ASAP1: variants seen among roughly 807,000 people sequenced by gnomAD.
The protein encoded by ASAP1 is ArfGAP with SH3 domain, ankyrin repeat and PH domain 1.
In ASAP1, 43 loss-of-function variants were observed where a neutral mutation model predicts 145.2. The ratio of observed to expected loss-of-function variants is 0.30; its 90% CI spans 0.23 to 0.38. ASAP1 has a LOEUF of 0.38. Ranked by LOEUF, ASAP1 falls within the 10% of genes least tolerant of loss-of-function variation. The pLI, the probability that ASAP1 is intolerant of heterozygous loss-of-function variation, is 1.00. For synonymous variants in ASAP1, 546 were observed against 515.5 expected (o/e 1.06, Z -0.80); for missense variants, 1,018 against 1,355.3 (o/e 0.75, Z 3.91).
intron 2 of ASAP1, chr8:130,361,281 G>A (rs375771361): frequency 5.5e-5 from 12 of 217,996 alleles, no homozygotes; most frequent in East Asian, 4.3e-4. Context: ...AGTAACTGAT[G>A]CTGTCATCTT....
In ASAP1 at chr8:130,054,372, G is replaced by C. The variant is rs1229307781; in HGVS notation, c.*359C>G. On this transcript the variant is annotated 3_prime_UTR_variant, in exon 30 of 30. Transcript: ENST00000518721. ...TGAGAATACTGCATTGTTAGGAACA[G>C]AGTCAATTCTATGCCTTTCAACGGT... 1 of 219,456 alleles carries C rather than the reference G, an allele frequency of 4.6e-6. No individual in the cohort carries two copies. The highest frequency in any genetic ancestry group is 2.2e-5 in the African/African-American group (1 of 44,904). 13.6% of individuals were successfully genotyped at this position (219,456 alleles called of 1,614,324 possible). A position where few individuals can be genotyped will look rare whatever the true frequency, so the allele number is the denominator to read the frequency against.
At chr8:130,103,181 T>C (rs2097531634) in intron 24 of ASAP1, among the ~76,000 whole-genome samples, 1 of 152,154 alleles carries the variant, frequency 6.6e-6, no homozygotes, top group Non-Finnish European at 1.5e-5. Flanking sequence ...TTCCTCTAGG[T>C]TTCCTAATTT....
chr8:130,064,032 G>A (rs554774285), intron 27 of ASAP1, among the ~76,000 whole-genome samples: 1 of 152,294 alleles, frequency 6.6e-6, no homozygotes, highest in South Asian at 2.1e-4. Flanking sequence ...GATATGGCAA[G>A]AGTGCGTCAA....
chr8:130,322,209 C>G (rs1824050583), intron 3 of ASAP1, among the ~76,000 whole-genome samples: 1 of 151,404 alleles, frequency 6.6e-6, no homozygotes. Context: ...TGTAGGTATG[C>G]AGTGAAAAAT....
intron 3 of ASAP1, among the ~76,000 whole-genome samples, chr8:130,341,382 G>A (rs1188436624): frequency 6.6e-6 from 1 of 152,170 alleles, no homozygotes; most frequent in Non-Finnish European, 1.5e-5. Flanking sequence ...TCTTGGGTAA[G>A]AACTGCAAGC....
At chr8:130,156,960 C>A (rs1032890266) in intron 12 of ASAP1, among the ~76,000 whole-genome samples, 1 of 152,128 alleles carries the variant, frequency 6.6e-6, no homozygotes, top group African/African-American at 2.4e-5. Flanking sequence ...ATTGTGATTT[C>A]GGGAGAGTAG....
chr8:130,114,048 C>T (rs563265803), intron 23 of ASAP1, among the ~76,000 whole-genome samples: 77 of 152,298 alleles, frequency 5.1e-4, no homozygotes, highest in African/African-American at 1.8e-3. Flanking sequence ...TCCCAAAGTG[C>T]TGGGATTACA....
intron 2 of ASAP1, among the ~76,000 whole-genome samples, chr8:130,386,006 G>C (rs1212715690): frequency 6.6e-6 from 1 of 152,190 alleles, no homozygotes. Context: ...CTGGTACAGG[G>C]CTGACCACGT....
chr8:130,183,106 A>G (rs116295620), intron 7 of ASAP1, among the ~76,000 whole-genome samples: 197 of 152,262 alleles, frequency 1.3e-3, no homozygotes, highest in African/African-American at 4.5e-3. Context: ...TTGTAAACAG[A>G]AAGATTGCAA....
intron 5 of ASAP1, among the ~76,000 whole-genome samples, chr8:130,199,170 T>C (rs78255946): frequency 0.026 from 4,020 of 152,308 alleles, 64 homozygotes; most frequent in Middle Eastern, 0.044. Flanking sequence ...TTTACAATTA[T>C]CCGTGTGTTC....
At chr8:130,310,594 AC>A (rs1283978702) in intron 3 of ASAP1, among the ~76,000 whole-genome samples, 3 of 152,184 alleles carry the variant, frequency 2.0e-5, no homozygotes, top group African/African-American at 7.2e-5. Flanking sequence ...TAACTAAACC[AC>A]AAAGTCCTGC....
At chr8:130,208,433 G>A (rs956192100) in intron 5 of ASAP1, among the ~76,000 whole-genome samples, 2 of 152,056 alleles carry the variant, frequency 1.3e-5, no homozygotes, top group South Asian at 2.1e-4. Flanking sequence ...TTTCCTAACC[G>A]CTGGTAACTA....
At chr8:130,057,242 C>A (rs965016389) in intron 29 of ASAP1, among the ~76,000 whole-genome samples, 1 of 152,158 alleles carries the variant, frequency 6.6e-6, no homozygotes, top group African/African-American at 2.4e-5. Context: ...GTGAGCAAAG[C>A]ACATAGGCTC....
chr8:130,155,543 A>C (rs917789853), intron 12 of ASAP1, among the ~76,000 whole-genome samples: 2 of 152,100 alleles, frequency 1.3e-5, no homozygotes, highest in African/African-American at 4.8e-5. Context: ...ATTTTTGTAG[A>C]GATAGGGTTT....
At position 130,054,573 on chromosome 8, in the gene ASAP1, C is replaced by G; in HGVS notation, c.*158G>C. On this transcript the variant is annotated 3_prime_UTR_variant, in exon 30 of 30. Transcript: ENST00000518721. Reference sequence around the variant, plus strand: ...TCATACTGGTGAAGGCAGAAAACCACAGGATATTTACAACACACATTATAT... The same window carrying G: ...TCATACTGGTGAAGGCAGAAAACCAGAGGATATTTACAACACACATTATAT... 1 of 626,882 alleles carries G rather than the reference C, an allele frequency of 1.6e-6. No homozygotes were observed. Among genetic ancestry groups the G allele is most frequent in the Non-Finnish European group, 2.8e-6 (1 of 351,788 alleles). 38.8% of individuals were successfully genotyped at this position (626,882 alleles called of 1,614,324 possible). A position where few individuals can be genotyped will look rare whatever the true frequency, so the allele number is the denominator to read the frequency against.
At chr8:130,232,183 C>T (rs1346160099) in intron 4 of ASAP1, among the ~76,000 whole-genome samples, 4 of 152,166 alleles carry the variant, frequency 2.6e-5, no homozygotes, top group Non-Finnish European at 4.4e-5. Context: ...ACCTCTACTA[C>T]ATTCTATTCA....
At chr8:130,107,907 T>C (rs12677193) in intron 24 of ASAP1, among the ~76,000 whole-genome samples, 59,909 of 152,110 alleles carry the variant, frequency 0.39, 12,664 homozygotes, top group East Asian at 0.63. Flanking sequence ...GAGAAGGTGA[T>C]GCTGGAAAGG....
At position 130,428,350 on chromosome 8, in the gene ASAP1, C is replaced by T. The variant is rs117879295; in HGVS notation, c.-28+15110G>A. On this transcript the variant is annotated intron_variant, in intron 1 of 29. Coordinates refer to ENST00000518721, the MANE Select transcript of ASAP1 (RefSeq NM_018482.4). ...CGCTAAATTAAAGCCACAGGACTATCTACAGTCAGACACATGTGGCCACCT... is the reference window on the plus strand; with the variant it reads ...CGCTAAATTAAAGCCACAGGACTATTTACAGTCAGACACATGTGGCCACCT... Among the ~76,000 whole-genome samples, 480 of 149,858 alleles carry T rather than the reference C, an allele frequency of 3.2e-3. 9 individuals carry two copies. The highest frequency in any genetic ancestry group is 0.023 in the East Asian group (115 of 4,992).
intron 3 of ASAP1, among the ~76,000 whole-genome samples, chr8:130,269,666 G>T (rs1323504097): frequency 2.6e-5 from 4 of 152,152 alleles, no homozygotes; most frequent in South Asian, 2.1e-4. Context: ...CCCTAAGGGG[G>T]TCACTATTAG....
Sources: allele counts gnomAD v4.1 joint callset (sites outside exome capture counted in the v4.1 genomes callset), GRCh38; gene constraint gnomAD v4.1.1; transcripts MANE v1.5; gene names NCBI Gene and HGNC (gene_info 2026-07-23, HGNC 2026-07-21).